FCHSD2: variants seen among roughly 807,000 people sequenced by gnomAD.
FCHSD2 encodes the protein F-BAR and double SH3 domains protein 2.
Under a neutral mutation model 108.1 loss-of-function variants are expected in FCHSD2, and 38 were observed. The ratio of observed to expected loss-of-function variants is 0.35; its 90% confidence interval spans 0.27 to 0.46. The LOEUF is 0.46. Ranked by LOEUF, FCHSD2 falls within the 20% of genes least tolerant of loss-of-function variation. The pLI is 1.00. For synonymous variants in FCHSD2, 279 were observed against 314.7 expected (o/e 0.89, Z 1.20); for missense variants, 751 against 897.8 (o/e 0.84, Z 2.09).
At chr11:72,945,506 A>G (rs530219838) in intron 8 of FCHSD2, among the ~76,000 whole-genome samples, 1 of 152,356 alleles carries the variant, frequency 6.6e-6, no homozygotes, top group East Asian at 1.9e-4. Flanking sequence ...CTTCATGTCT[A>G]AAACACCAAA....
chr11:72,887,637 TA>T, intron 11 of FCHSD2, 63 bp from the exon 12 acceptor site: 1 of 1,044,236 alleles, frequency 9.6e-7, no homozygotes, highest in Non-Finnish European at 1.4e-6. Flanking sequence ...CTTAAGTGAT[TA>T]AAGTATTTAC....
chr11:73,134,878 T>C (rs1861086415), intron 2 of FCHSD2, among the ~76,000 whole-genome samples: 1 of 152,184 alleles, frequency 6.6e-6, no homozygotes, highest in African/African-American at 2.4e-5. Flanking sequence ...AGAGTCTAGC[T>C]CTGTCACTCA....
intron 8 of FCHSD2, among the ~76,000 whole-genome samples, chr11:72,970,413 T>C (rs1249416535): frequency 6.6e-6 from 1 of 152,248 alleles, no homozygotes; most frequent in African/African-American, 2.4e-5. Context: ...TCATGTGTTA[T>C]AGAAAACTGC....
At chr11:72,957,181 C>G (rs1051516476) in intron 8 of FCHSD2, among the ~76,000 whole-genome samples, 1 of 108,682 alleles carries the variant, frequency 9.2e-6, no homozygotes, top group Admixed American at 1.1e-4. Flanking sequence ...TATCCCTCCC[C>G]CCTCCCCCCA....
At chr11:73,081,142 A>G (rs1001858618) in intron 3 of FCHSD2, among the ~76,000 whole-genome samples, 1 of 152,182 alleles carries the variant, frequency 6.6e-6, no homozygotes, top group Non-Finnish European at 1.5e-5. Context: ...TACTTGATTA[A>G]AACTTTAAAT....
intron 3 of FCHSD2, among the ~76,000 whole-genome samples, chr11:73,040,424 T>G (rs1428784604): frequency 2.6e-5 from 4 of 152,182 alleles, no homozygotes; most frequent in African/African-American, 7.2e-5. Flanking sequence ...AGATACACAT[T>G]TGTATGTGTC....
intron 5 of FCHSD2, among the ~76,000 whole-genome samples, chr11:72,993,630 C>T (rs1342914374): frequency 6.6e-6 from 1 of 150,992 alleles, no homozygotes; most frequent in East Asian, 2.0e-4. Context: ...AAGCTGGAAA[C>T]CATCATTCTC....
Position 73,088,470 on chromosome 11 carries a change from T to C in FCHSD2, c.120-4730A>G, listed in dbSNP as rs777724716. On this transcript the variant is annotated intron_variant, in intron 2 of 19. Coordinates refer to ENST00000409418, the MANE Select transcript of FCHSD2 (RefSeq NM_014824.3). Reference sequence around the variant, plus strand: ...GATTGTATACATACGTGTGTGTGTGTGCGTTTGTGTGTGTGTACTAAAATA... The same window carrying C: ...GATTGTATACATACGTGTGTGTGTGCGCGTTTGTGTGTGTGTACTAAAATA... Among the ~76,000 whole-genome samples, 6 of 152,310 alleles carry C rather than the reference T, an allele frequency of 3.9e-5. 1 individual carries two copies. The Middle Eastern group carries it at 0.01, about 259-fold the overall frequency.
At chr11:73,004,946 C>T (rs1178392049) in intron 4 of FCHSD2, among the ~76,000 whole-genome samples, 1 of 152,226 alleles carries the variant, frequency 6.6e-6, no homozygotes. Flanking sequence ...GTTCCCACCA[C>T]ATTTGCCAAA....
At chr11:73,023,184 A>T (rs1362558206) in intron 3 of FCHSD2, among the ~76,000 whole-genome samples, 2 of 152,166 alleles carry the variant, frequency 1.3e-5, no homozygotes, top group Non-Finnish European at 2.9e-5. Context: ...TGAAAGAAAA[A>T]TGATAAATTG....
intron 4 of FCHSD2, among the ~76,000 whole-genome samples, chr11:73,011,478 C>A: frequency 6.6e-6 from 1 of 152,168 alleles, no homozygotes; most frequent in East Asian, 1.9e-4. Context: ...AGCTTGGCCC[C>A]AAGGGCAGCA....
chr11:73,140,555 A>G (rs1861222336), intron 1 of FCHSD2, among the ~76,000 whole-genome samples: 2 of 152,234 alleles, frequency 1.3e-5, no homozygotes, highest in Non-Finnish European at 1.5e-5. Flanking sequence ...CCAATGACCA[A>G]TATTTACACA....
At chr11:72,948,959 C>G (rs1366689374) in intron 8 of FCHSD2, among the ~76,000 whole-genome samples, 1 of 151,948 alleles carries the variant, frequency 6.6e-6, no homozygotes, top group Non-Finnish European at 1.5e-5. Context: ...GCCACAGCAC[C>G]CAGCATAATT....
At chr11:72,940,163 T>G (rs1037130410) in intron 8 of FCHSD2, among the ~76,000 whole-genome samples, 8 of 152,208 alleles carry the variant, frequency 5.3e-5, no homozygotes, top group Non-Finnish European at 1.0e-4. Context: ...GGAATCAGCT[T>G]TGCCATCATC....
chr11:73,119,726 T>C (rs1025297072), intron 2 of FCHSD2, among the ~76,000 whole-genome samples: 6 of 152,128 alleles, frequency 3.9e-5, no homozygotes, highest in African/African-American at 1.4e-4. Flanking sequence ...GGATTACAGG[T>C]GTAAACTAGC....
rs185180048 is a variant in FCHSD2 at position 73,030,434 on chromosome 11, A to C, written c.166-14549T>G. ...AATTTACCATACATAAATGTATCCA[A>C]GTGAGTATATAGTTTTTACGCCAAC... On this transcript the variant is annotated intron_variant, in intron 3 of 19. Transcript: ENST00000409418. Among the ~76,000 whole-genome samples, 39 of 152,296 alleles carry C rather than the reference A, an allele frequency of 2.6e-4. No homozygotes were observed. In the East Asian group the frequency reaches 7.1e-3, roughly 28 times the overall value.
intron 3 of FCHSD2, among the ~76,000 whole-genome samples, chr11:73,069,179 CATGCACCTGT>C (rs1360338424): frequency 6.6e-6 from 1 of 151,628 alleles, no homozygotes. Flanking sequence ...GGCGTGGTGG[CATGCACCTGT>C]AGTCCCAGCC....
At chr11:73,053,404 T>C (rs1247804870) in intron 3 of FCHSD2, among the ~76,000 whole-genome samples, 3 of 152,174 alleles carry the variant, frequency 2.0e-5, no homozygotes, top group African/African-American at 7.2e-5. Context: ...AAATGAATTC[T>C]GAAAAAAATC....
chr11:72,977,046 T>A (rs2135390765), intron 8 of FCHSD2, among the ~76,000 whole-genome samples: 1 of 152,102 alleles, frequency 6.6e-6, no homozygotes, highest in East Asian at 1.9e-4. Context: ...TGCCTCAGCC[T>A]CCTGAGTAGC....
Sources: gnomAD v4.1 joint callset for allele counts (sites outside exome capture counted in the v4.1 genomes callset) on GRCh38, gnomAD v4.1.1 for gene constraint, MANE v1.5 for transcripts, NCBI Gene and HGNC (gene_info 2026-07-23, HGNC 2026-07-21) for gene names.